Variants in CIB1 observed in about 807,000 individuals in gnomAD.
CIB1 encodes calcium and integrin-binding protein 1.
CIB1 carries 19 observed loss-of-function variants against 25.0 expected under a neutral mutation model. The observed-to-expected ratio is 0.76, with a 90% CI of 0.53 to 1.12. The LOEUF is 1.12. CIB1 is among the 50% of genes most tolerant of loss of function. CIB1 has a pLI of 0.00. For synonymous variants in CIB1, 104 were observed against 98.5 expected (o/e 1.06, Z -0.33); for missense variants, 236 against 242.6 (o/e 0.97, Z 0.18).
the CIB1 span, among the ~76,000 whole-genome samples, chr15:90,256,622 C>CT: frequency 2.0e-5 from 1 of 50,256 alleles, no homozygotes; most frequent in African/African-American, 8.4e-5. Context: ...TCCTTCCTTC[C>CT]TTCCTTCCTT....
intron 5 of CIB1, 21 bp downstream of exon 5, chr15:90,231,074 C>T (rs1416617624): frequency 6.2e-7 from 1 of 1,613,670 alleles, no homozygotes; most frequent in Non-Finnish European, 8.5e-7. Context: ...CTCCCGCTCC[C>T]AGGCCTGCTC....
At chr15:90,260,033 C>T in the CIB1 span, among the ~76,000 whole-genome samples, 2 of 152,100 alleles carry the variant, frequency 1.3e-5, no homozygotes, top group African/African-American at 2.4e-5. Context: ...CAGATGTCTG[C>T]GTGATGAATG....
the CIB1 span, among the ~76,000 whole-genome samples, chr15:90,254,619 C>T: frequency 6.6e-6 from 1 of 151,562 alleles, no homozygotes; most frequent in Non-Finnish European, 1.5e-5. Flanking sequence ...GGGCAGATTG[C>T]TTGAACTCAG....
At chr15:90,251,634 A>G in the CIB1 span, 5 of 1,603,580 alleles carry the variant, frequency 3.1e-6, no homozygotes, top group East Asian at 2.2e-5. Context: ...GGTGCATAAC[A>G]TGGTGCCTAC....
rs373290424 is a variant in CIB1 at position 90,230,159 on chromosome 15, G to A, written c.*325C>T. 1.7e-4 allele frequency: 66 copies of A among 379,480 alleles called. No individual in the cohort carries two copies. In the East Asian group the frequency reaches 2.4e-3, roughly 14 times the overall value. The allele number at this position is 379,480 out of a possible 1,614,324, so 23.5% of individuals were successfully genotyped here. A position where few individuals can be genotyped will look rare whatever the true frequency, so the allele number is the denominator to read the frequency against. On this transcript the variant is annotated 3_prime_UTR_variant, in exon 7 of 7. Coordinates refer to ENST00000328649, the MANE Select transcript of CIB1 (RefSeq NM_006384.4). ...CTTGACTTCCCGCTGGCCTCTGCTC[G>A]ATATGCTGCTTATTCCTAGGATGAT...
chr15:90,263,576 T>A, the CIB1 span: 1 of 567,840 alleles, frequency 1.8e-6, no homozygotes, highest in Non-Finnish European at 3.1e-6. Flanking sequence ...TTCCCTGGGC[T>A]GGTAGCAAAC....
At chr15:90,258,379 A>G in the CIB1 span, 3 of 962,612 alleles carry the variant, frequency 3.1e-6, no homozygotes, top group Non-Finnish European at 3.3e-6. Flanking sequence ...GGGAGATGTG[A>G]AAGCCCTGGG....
At chr15:90,231,661 G>A (rs767654753) in intron 3 of CIB1, among the ~76,000 whole-genome samples, 154 bp from the exon 4 acceptor site, 5 of 152,182 alleles carry the variant, frequency 3.3e-5, no homozygotes, top group Non-Finnish European at 5.9e-5. Flanking sequence ...GAGGGCAGTG[G>A]GGGCACAGGA....
chr15:90,254,876 A>G, the CIB1 span, among the ~76,000 whole-genome samples: 1 of 152,134 alleles, frequency 6.6e-6, no homozygotes, highest in Admixed American at 6.5e-5. Flanking sequence ...GGATAAGGAT[A>G]ACAATAATCA....
At chr15:90,249,554 C>G in the CIB1 span, 1 of 152,234 alleles carries the variant, frequency 6.6e-6, no homozygotes, top group Non-Finnish European at 1.5e-5. Flanking sequence ...CACGGGCTTG[C>G]TAGAGGAAGC....
chr15:90,233,598 T>G, intron 2 of CIB1, 71 bp downstream of exon 2: 1 of 1,536,870 alleles, frequency 6.5e-7, no homozygotes, highest in Non-Finnish European at 8.8e-7. Flanking sequence ...CGCCCCTCCC[T>G]CGGGACAGCG....
the CIB1 span, among the ~76,000 whole-genome samples, chr15:90,246,439 G>T: frequency 1.3e-5 from 2 of 152,008 alleles, no homozygotes; most frequent in African/African-American, 4.8e-5. Context: ...GAATACTTAC[G>T]CTGTAATGGG....
upstream of CIB1, chr15:90,238,353 A>G (rs1199702204): frequency 6.6e-6 from 1 of 152,224 alleles, no homozygotes; most frequent in Admixed American, 6.5e-5. Context: ...CGTGTTAAGC[A>G]CATTCACGAT....
At chr15:90,241,928 T>C in the CIB1 span, 1 of 1,614,126 alleles carries the variant, frequency 6.2e-7, no homozygotes, top group Middle Eastern at 1.6e-4. Flanking sequence ...GGCACCTCCC[T>C]GTCAAAACAT....
At chr15:90,233,747 GCCGCGGCCGCC>G in intron 1 of CIB1, 44 bp from the exon 2 acceptor site, 1 of 1,555,604 alleles carries the variant, frequency 6.4e-7, no homozygotes, top group Non-Finnish European at 8.7e-7. Flanking sequence ...CCGCTGGGAG[GCCGCGGCCGCC>G]CCGCAGCCAG....
chr15:90,239,305 ATGTGTGTGTGTG>A, the CIB1 span, among the ~76,000 whole-genome samples: 52 of 147,974 alleles, frequency 3.5e-4, no homozygotes, highest in African/African-American at 1.1e-3. Context: ...GAGACATAAA[ATGTGTGTGTGTG>A]TGTGTGTGTG....
At chr15:90,261,877 C>A in the CIB1 span, 1 of 696,676 alleles carries the variant, frequency 1.4e-6, no homozygotes, top group Non-Finnish European at 2.2e-6. Context: ...TGGCAGCTTT[C>A]CCTACTTGGG....
At chr15:90,258,758 A>G in the CIB1 span, 51 of 1,614,064 alleles carry the variant, frequency 3.2e-5, no homozygotes, top group Non-Finnish European at 4.2e-5. Flanking sequence ...CCACTCTCCA[A>G]GCTTTACCAC....
rs760388156 is a variant in CIB1 at position 90,231,013 on chromosome 15, C to T, written c.475G>A (p.Glu159Lys). Reference sequence around the variant, plus strand: ...GTTCCATCCCTGTCAATGTCAGACTCCTCCAGGATCTGGGAAAGGGAGAGT... The same window carrying T: ...GTTCCATCCCTGTCAATGTCAGACTTCTCCAGGATCTGGGAAAGGGAGAGT... The part of the protein sequence containing the change: ...MKQLIDNILE[E>K]SDIDRDGTIN... The change falls in exon 6 of 7, where the codon GAG (glutamate) becomes AAG (lysine). Residue 159 changes from glutamate (E) to lysine (K), a missense_variant. Glu to Lys is a moderately conservative substitution (Grantham distance 56). Transcript: ENST00000328649. 3.1e-6 allele frequency: 5 copies of T among 1,614,092 alleles called. No individual in the cohort carries two copies. Among genetic ancestry groups the T allele is most frequent in the Non-Finnish European group, 3.4e-6 (4 of 1,179,942 alleles).
Sources: allele counts gnomAD v4.1 joint callset (sites outside exome capture counted in the v4.1 genomes callset), GRCh38; gene constraint gnomAD v4.1.1; transcripts MANE v1.5; gene names NCBI Gene and HGNC (gene_info 2026-07-23, HGNC 2026-07-21).